OSBPL6: variants seen among roughly 807,000 people sequenced by gnomAD.
OSBPL6 encodes oxysterol-binding protein-related protein 6.
Under a neutral mutation model 125.8 loss-of-function variants are expected in OSBPL6, and 49 were observed. That is an observed-to-expected ratio of 0.39 (90% confidence interval 0.31 to 0.49). The LOEUF (loss-of-function observed/expected upper bound fraction) is 0.49. Among genes scored for constraint, OSBPL6 ranks in the 20% least tolerant of loss-of-function variants. The probability of loss-of-function intolerance (pLI) is 0.88; values close to 1 mark genes in which losing one functional copy is unlikely to be tolerated. For synonymous variants in OSBPL6, 394 were observed against 391.8 expected, an observed-to-expected ratio of 1.01 and a Z score of -0.07; for missense variants, 986 against 1,135.4, an observed-to-expected ratio of 0.87 and a Z score of 1.89.
intron 1 of OSBPL6, among the ~76,000 whole-genome samples, chr2:178,244,218 C>A (rs2091408437): frequency 6.6e-6 from 1 of 152,122 alleles, no homozygotes; most frequent in Non-Finnish European, 1.5e-5. Flanking sequence ...CTGGAGTGTC[C>A]CCTCCTCCTT....
At chr2:178,344,496 C>A in intron 11 of OSBPL6, 1 of 770,882 alleles carries the variant, frequency 1.3e-6, no homozygotes, top group Non-Finnish European at 2.1e-6. Context: ...ATAGCTTTCA[C>A]ATGTTCTCTG....
intron 1 of OSBPL6, among the ~76,000 whole-genome samples, chr2:178,222,398 A>T (rs2153970676): frequency 6.6e-6 from 1 of 152,374 alleles, no homozygotes; most frequent in East Asian, 1.9e-4. Context: ...TAATCCCAGC[A>T]CTTTGGGAGG....
At chr2:178,380,356 T>C (rs909065925) in intron 15 of OSBPL6, among the ~76,000 whole-genome samples, 10 of 143,782 alleles carry the variant, frequency 7.0e-5, no homozygotes, top group Admixed American at 1.5e-4. Flanking sequence ...GAGGCTGAGG[T>C]AGGAAGATCC....
At chr2:178,260,955 A>C (rs1250407670) in intron 1 of OSBPL6, among the ~76,000 whole-genome samples, 1 of 151,962 alleles carries the variant, frequency 6.6e-6, no homozygotes, top group African/African-American at 2.4e-5. Context: ...AACATGGCAA[A>C]ACTCCATCTC....
intron 2 of OSBPL6, among the ~76,000 whole-genome samples, chr2:178,305,519 A>T (rs1187830567): frequency 6.6e-6 from 1 of 152,334 alleles, no homozygotes; most frequent in East Asian, 1.9e-4. Flanking sequence ...AGGTACAAAT[A>T]AATGTGGATA....
At chr2:178,283,256 T>G (rs1166197753) in intron 1 of OSBPL6, among the ~76,000 whole-genome samples, 1 of 152,086 alleles carries the variant, frequency 6.6e-6, no homozygotes, top group East Asian at 1.9e-4. Context: ...AGATGGTACT[T>G]AAGGGGGCAA....
At chr2:178,254,118 G>T (rs1431759925) in intron 1 of OSBPL6, among the ~76,000 whole-genome samples, 1 of 152,200 alleles carries the variant, frequency 6.6e-6, no homozygotes. Context: ...CTTTGGCCGG[G>T]TATGGTGGCT....
chr2:178,392,498 C>A lies in OSBPL6; in HGVS notation c.2533C>A (p.Leu845Ile). 1 of 1,614,126 alleles carries A rather than the reference C, an allele frequency of 6.2e-7. No homozygotes were observed. Among genetic ancestry groups the A allele is most frequent in the Non-Finnish European group, 8.5e-7 (1 of 1,180,004 alleles). The change falls in exon 23 of 25, where the codon CTC (leucine) becomes ATC (isoleucine). Residue 845 changes from leucine (L) to isoleucine (I), a missense_variant. Leu to Ile is a conservative substitution (Grantham distance 5, BLOSUM62 2). This residue lies in a region of OSBPL6 where 843 missense variants were observed against 997.3 expected (regional missense o/e 0.85). Coordinates refer to ENST00000190611, the MANE Select transcript of OSBPL6 (RefSeq NM_032523.4). ...TGAGTTAGATCCAGTACTAAAAGAT[C>A]TCCTTCCACCAACAGACGCCCGGTT... ...LNELDPVLKD[L>I]LPPTDARFRP...
intron 1 of OSBPL6, among the ~76,000 whole-genome samples, chr2:178,238,999 T>G (rs1390494365): frequency 6.6e-6 from 1 of 152,186 alleles, no homozygotes; most frequent in Non-Finnish European, 1.5e-5. Flanking sequence ...TATGTGTCCT[T>G]TTGCCTTTCA....
chr2:178,348,906 G>T (rs922744599), intron 11 of OSBPL6, among the ~76,000 whole-genome samples: 1 of 152,176 alleles, frequency 6.6e-6, no homozygotes, highest in Non-Finnish European at 1.5e-5. Flanking sequence ...TTTTCTGCCA[G>T]TTATTTTTGA....
At chr2:178,195,370 G>T (rs531018170) in intron 1 of OSBPL6, among the ~76,000 whole-genome samples, 1 of 152,220 alleles carries the variant, frequency 6.6e-6, no homozygotes, top group Admixed American at 6.5e-5. Flanking sequence ...CAGTCAAGAC[G>T]TGCTTCCCCT....
intron 1 of OSBPL6, among the ~76,000 whole-genome samples, chr2:178,231,727 G>A (rs574189326): frequency 2.1e-5 from 3 of 140,762 alleles, no homozygotes; most frequent in South Asian, 4.5e-4. Flanking sequence ...CCTCACTGCA[G>A]CCTTGAACAC....
intron 5 of OSBPL6, 61 bp downstream of exon 5, chr2:178,328,439 C>T (rs932891859): frequency 1.3e-6 from 2 of 1,577,686 alleles, no homozygotes; most frequent in Admixed American, 1.8e-5. Context: ...ATCTTATTTG[C>T]TATCATGGGG....
At chr2:178,227,771 A>C (rs1300176015) in intron 1 of OSBPL6, among the ~76,000 whole-genome samples, 3 of 152,250 alleles carry the variant, frequency 2.0e-5, no homozygotes, top group Non-Finnish European at 4.4e-5. Flanking sequence ...AGATATAAAC[A>C]AGATGATAGT....
intron 1 of OSBPL6, among the ~76,000 whole-genome samples, chr2:178,208,292 A>G (rs2153949678): frequency 6.6e-6 from 1 of 151,960 alleles, no homozygotes; most frequent in Admixed American, 6.6e-5. Flanking sequence ...TCTAAAAAAA[A>G]AAAAAAAGAA....
At chr2:178,309,880 C>T (rs373287262) in intron 3 of OSBPL6, among the ~76,000 whole-genome samples, 1 of 152,140 alleles carries the variant, frequency 6.6e-6, no homozygotes, top group South Asian at 2.1e-4. Context: ...AAAGTGTGTG[C>T]CGAGGAATGC....
chr2:178,272,395 G>A (rs1033883031), intron 1 of OSBPL6, among the ~76,000 whole-genome samples: 1 of 152,174 alleles, frequency 6.6e-6, no homozygotes, highest in Non-Finnish European at 1.5e-5. Flanking sequence ...TAGAGATGAT[G>A]ATTGAAATGA....
At chr2:178,281,010 CTT>C (rs55986941) in intron 1 of OSBPL6, among the ~76,000 whole-genome samples, 44,175 of 131,186 alleles carry the variant, frequency 0.34, 6,085 homozygotes, top group African/African-American at 0.35. Flanking sequence ...TTGCTTTTGA[CTT>C]TTTTTTTTTT....
chr2:178,195,342 G>C lies in OSBPL6; in HGVS notation c.-351+668G>C, dbSNP rs183473193. Among the ~76,000 whole-genome samples, 303 of 152,332 alleles carry C rather than the reference G, an allele frequency of 2.0e-3. 2 individuals are homozygous for C. Among genetic ancestry groups the C allele is most frequent in the African/African-American group, 6.9e-3 (287 of 41,588 alleles). ...AAGTCTGCCTTCCCTGGTTCAGACC[G>C]GGACAGCGTTTGCATTGCAGTCAAG... On this transcript the variant is annotated intron_variant, in intron 1 of 24. Transcript: ENST00000190611.
Sources: gnomAD v4.1 joint callset for allele counts (sites outside exome capture counted in the v4.1 genomes callset) on GRCh38, gnomAD v4.1.1 for gene constraint, gnomAD v4.1.1 regional missense constraint, MANE v1.5 for transcripts, NCBI Gene and HGNC (gene_info 2026-07-23, HGNC 2026-07-21) for gene names.